Variants in UTRN observed in about 807,000 individuals in gnomAD.
The protein encoded by UTRN is utrophin.
In UTRN, 283 loss-of-function variants were observed where a neutral mutation model predicts 463.9. The ratio of observed to expected loss-of-function variants is 0.61; its 90% CI spans 0.55 to 0.67. The LOEUF is 0.67. UTRN is among the 30% of genes least tolerant of loss of function. The probability of loss-of-function intolerance (pLI) is 0.00; values close to 1 mark genes in which losing one functional copy is unlikely to be tolerated. For synonymous variants in UTRN, 1,442 were observed against 1,431.5 expected (o/e 1.01, Z -0.17); for missense variants, 3,922 against 4,084.3 (o/e 0.96, Z 1.08).
chr6:144,520,763 C>T (rs1478288177), intron 39 of UTRN, among the ~76,000 whole-genome samples: 1 of 152,102 alleles, frequency 6.6e-6, no homozygotes, highest in Non-Finnish European at 1.5e-5. Flanking sequence ...CATTTGTGAT[C>T]GTTTTACCTA....
chr6:144,553,116 C>T lies in UTRN; in HGVS notation c.6929-1572C>T, dbSNP rs148134526. Among the ~76,000 whole-genome samples the T allele has an allele frequency of 2.1e-3, 317 of 152,296 alleles. 2 individuals carry two copies. The highest frequency in any genetic ancestry group is 7.4e-3 in the African/African-American group (307 of 41,556). ...GCAATGGTGCAATCTTGACTCACTG[C>T]AACCTCTGCCTCCTGGGATCCAGCG... On this transcript the variant is annotated intron_variant, in intron 48 of 74. Transcript: ENST00000367545.
intron 64 of UTRN, among the ~76,000 whole-genome samples, chr6:144,800,855 T>C (rs1777641812): frequency 6.6e-6 from 1 of 152,006 alleles, no homozygotes; most frequent in South Asian, 2.1e-4. Context: ...AAAGGCAAGA[T>C]TAGAGAGAGG....
chr6:144,452,834 C>T (rs999595216), intron 18 of UTRN, among the ~76,000 whole-genome samples: 10 of 150,346 alleles, frequency 6.7e-5, no homozygotes, highest in Non-Finnish European at 1.3e-4. Context: ...TCCAACTACT[C>T]GGGAGGCTGA....
chr6:144,387,151 T>G (rs1781491125), intron 2 of UTRN, among the ~76,000 whole-genome samples: 1 of 152,228 alleles, frequency 6.6e-6, no homozygotes, highest in African/African-American at 2.4e-5. Flanking sequence ...ATTTATTTAT[T>G]TTTTTGAGAT....
At chr6:144,375,276 C>T (rs1292401872) in intron 2 of UTRN, among the ~76,000 whole-genome samples, 2 of 152,120 alleles carry the variant, frequency 1.3e-5, no homozygotes, top group South Asian at 2.1e-4. Flanking sequence ...GAACTATTAA[C>T]AGATGAGACT....
chr6:144,493,276 G>A (rs1235876526), intron 32 of UTRN, 25 bp from the exon 33 acceptor site: 2 of 1,611,950 alleles, frequency 1.2e-6, no homozygotes, highest in African/African-American at 2.7e-5. Flanking sequence ...TGTGTAATTT[G>A]TCTTTTTCTT....
At chr6:144,304,961 C>T in intron 2 of UTRN, among the ~76,000 whole-genome samples, 1 of 144,426 alleles carries the variant, frequency 6.9e-6, no homozygotes. Context: ...AATGGAGTTT[C>T]ACTCTTGTTG....
At chr6:144,560,584 C>T (rs1799778440) in intron 50 of UTRN, among the ~76,000 whole-genome samples, 1 of 152,104 alleles carries the variant, frequency 6.6e-6, no homozygotes, top group Non-Finnish European at 1.5e-5. Flanking sequence ...TATATTTGCA[C>T]ATGGAATACT....
chr6:144,850,648 C>T (rs1002929165), intron 74 of UTRN, among the ~76,000 whole-genome samples: 1 of 152,118 alleles, frequency 6.6e-6, no homozygotes, highest in African/African-American at 2.4e-5. Context: ...CAGATGACCT[C>T]CCACAGTCCC....
intron 51 of UTRN, among the ~76,000 whole-genome samples, chr6:144,629,815 G>A (rs1489419927): frequency 6.6e-6 from 1 of 152,176 alleles, no homozygotes; most frequent in Non-Finnish European, 1.5e-5. Context: ...TGTCATTTTA[G>A]GCATATTGCA....
intron 63 of UTRN, among the ~76,000 whole-genome samples, chr6:144,794,564 A>G (rs9373427): frequency 0.25 from 38,174 of 152,132 alleles, 5,920 homozygotes; most frequent in East Asian, 0.7. Context: ...TACACACTGA[A>G]TTATATAATT....
chr6:144,530,047 A>G (rs990686066), intron 41 of UTRN, among the ~76,000 whole-genome samples: 1 of 152,194 alleles, frequency 6.6e-6, no homozygotes, highest in Admixed American at 6.5e-5. Flanking sequence ...TCTGCATGCA[A>G]TTTCATACTT....
At chr6:144,770,083 G>A (rs990798371) in intron 58 of UTRN, among the ~76,000 whole-genome samples, 3 of 152,188 alleles carry the variant, frequency 2.0e-5, no homozygotes, top group Admixed American at 6.5e-5. Context: ...GGACCATGAA[G>A]TAGAAGTATT....
rs1219534446 is a variant in UTRN at position 144,813,924 on chromosome 6, TC to T, written c.9358-6957del. Among the ~76,000 whole-genome samples the T allele has an allele frequency of 2.0e-5, 3 of 152,200 alleles. No individual in the cohort carries two copies. The East Asian group carries it at 5.8e-4, about 29-fold the overall frequency. On this transcript the variant is annotated intron_variant, in intron 65 of 74. Coordinates refer to ENST00000367545, the MANE Select transcript of UTRN (RefSeq NM_007124.3). ...AGGGCTTCCTTCTAGAAAGAAGGTCTCATGCTGAGCAAAACTTCTGGGAATA... is the reference window on the plus strand; with the variant it reads ...AGGGCTTCCTTCTAGAAAGAAGGTCTATGCTGAGCAAAACTTCTGGGAATA...
chr6:144,768,953 G>GTTTTTTTTTTT (rs1224806677), intron 58 of UTRN, among the ~76,000 whole-genome samples: 4 of 105,082 alleles, frequency 3.8e-5, no homozygotes, highest in South Asian at 3.6e-4. Context: ...TTTTTGTTTT[G>GTTTTTTTTTTT]TTTTGTTTTT....
At chr6:144,404,288 C>A (rs1355400508) in intron 3 of UTRN, among the ~76,000 whole-genome samples, 2 of 152,106 alleles carry the variant, frequency 1.3e-5, no homozygotes, top group African/African-American at 4.8e-5. Context: ...GCATAATTGG[C>A]AGTTATATGT....
At position 144,700,171 on chromosome 6, in the gene UTRN, T is replaced by G. The variant is rs1333513387; in HGVS notation, c.7737T>G (p.Asp2579Glu). Residue 2579 changes from aspartate to glutamate, a missense_variant, in exon 53 of 75, where the codon GAT becomes GAG. By Grantham distance (45) the Asp-to-Glu change is conservative. Around this residue, in one of 3 missense-constraint regions of UTRN, gnomAD observed 1,309 missense variants for 1,452.6 expected, o/e 0.90. Coordinates refer to ENST00000367545, the MANE Select transcript of UTRN (RefSeq NM_007124.3). ...TGATCAAATGGCTGAATATGAAAGATGAAGAGCTTAAGAAACAAATGCCTA... is the reference window on the plus strand; with the variant it reads ...TGATCAAATGGCTGAATATGAAAGAGGAAGAGCTTAAGAAACAAATGCCTA... Reference protein sequence around the residue: ...EELIKWLNMKDEELKKQMPIG... With the variant: ...EELIKWLNMKEEELKKQMPIG... 7.4e-6 allele frequency: 12 copies of G among 1,613,680 alleles called. No homozygotes were observed. The highest frequency in any genetic ancestry group is 1.0e-5 in the Non-Finnish European group (12 of 1,179,706).
chr6:144,713,307 T>C (rs954990861), intron 53 of UTRN, among the ~76,000 whole-genome samples: 5 of 152,156 alleles, frequency 3.3e-5, no homozygotes, highest in Admixed American at 2.0e-4. Flanking sequence ...TGTGCATGTA[T>C]TTTAAAGAGT....
chr6:144,447,862 T>C (rs569568558), intron 16 of UTRN, 81 bp downstream of exon 16: 1,037 of 1,410,712 alleles, frequency 7.4e-4, no homozygotes, highest in Non-Finnish European at 9.3e-4. Context: ...TTAATTTGTA[T>C]GAAATAAACT....
Sources: gnomAD v4.1 joint callset for allele counts (sites outside exome capture counted in the v4.1 genomes callset) on GRCh38, gnomAD v4.1.1 for gene constraint, gnomAD v4.1.1 regional missense constraint, MANE v1.5 for transcripts, NCBI Gene and HGNC (gene_info 2026-07-23, HGNC 2026-07-21) for gene names.